The following LUC7L variants were observed in gnomAD, a reference collection of about 807,000 sequenced individuals.
The protein encoded by LUC7L is LUC7 like.
A neutral mutation model predicts 51.1 loss-of-function variants in LUC7L; 29 were observed. The ratio of observed to expected loss-of-function variants is 0.57; its 90% CI spans 0.42 to 0.77. The LOEUF is 0.77. Among genes scored for constraint, LUC7L ranks in the 30% least tolerant of loss-of-function variants. The pLI, the probability that LUC7L is intolerant of heterozygous loss-of-function variation, is 0.00. For missense variants in LUC7L, 403 were observed against 511.9 expected, an observed-to-expected ratio of 0.79 and a Z score of 2.05; for synonymous variants, 181 against 180.7, an observed-to-expected ratio of 1.00 and a Z score of -0.01.
chr16:214,123 A>G (rs2049721888), intron 3 of LUC7L, among the ~76,000 whole-genome samples: 1 of 151,724 alleles, frequency 6.6e-6, no homozygotes. Flanking sequence ...GCTAGAGTGC[A>G]ATGGCACGAT....
chr16:227,555 T>C (rs2050161955), intron 1 of LUC7L: 1 of 1,376,706 alleles, frequency 7.3e-7, no homozygotes, highest in African/African-American at 1.5e-5. Context: ...TAATGAGATC[T>C]GACTCCATCA....
At chr16:192,728 C>T (rs937105840) in intron 7 of LUC7L, among the ~76,000 whole-genome samples, 199 bp downstream of exon 7, 1 of 152,122 alleles carries the variant, frequency 6.6e-6, no homozygotes, top group Non-Finnish European at 1.5e-5. Flanking sequence ...GTCTCGAACC[C>T]CTGACCTCAA....
intron 8 of LUC7L, 49 bp downstream of exon 8, chr16:190,492 C>T (rs1386985509): frequency 4.4e-6 from 7 of 1,584,034 alleles, no homozygotes; most frequent in Non-Finnish European, 6.1e-6. Context: ...AAGAAAAATG[C>T]TTATGGAAAA....
intron 1 of LUC7L, 127 bp from the exon 2 acceptor site, chr16:227,463 T>C (rs899758294): frequency 1.1e-5 from 16 of 1,471,842 alleles, no homozygotes; most frequent in East Asian, 2.5e-5. Context: ...TCAAATGCAA[T>C]GAAAAGCTGA....
intron 2 of LUC7L, among the ~76,000 whole-genome samples, chr16:225,486 CT>C (rs1172177139): frequency 0.026 from 2,611 of 99,420 alleles, 38 homozygotes; most frequent in Non-Finnish European, 0.039. Flanking sequence ...AACTCCGTCT[CT>C]TTTTTTTTTT....
chr16:211,120 T>C (rs1368359288), intron 3 of LUC7L, among the ~76,000 whole-genome samples: 3 of 147,616 alleles, frequency 2.0e-5, no homozygotes, highest in East Asian at 4.0e-4. Context: ...CCCAACACTT[T>C]GGGAGTCTGA....
intron 3 of LUC7L, chr16:208,399 G>T: frequency 2.1e-6 from 1 of 465,344 alleles, no homozygotes; most frequent in South Asian, 3.1e-5. Context: ...TTGGAAGCAT[G>T]GTCTTCTCAT....
At chr16:195,047 G>GTAT (rs1555452215) in intron 6 of LUC7L, among the ~76,000 whole-genome samples, 2 of 152,142 alleles carry the variant, frequency 1.3e-5, no homozygotes, top group African/African-American at 2.4e-5. Flanking sequence ...TGGGTGACTG[G>GTAT]TATCTCCAGC....
intron 3 of LUC7L, among the ~76,000 whole-genome samples, chr16:210,174 C>G (rs1034633406): frequency 2.0e-5 from 3 of 152,152 alleles, no homozygotes; most frequent in African/African-American, 7.2e-5. Flanking sequence ...GTAATCCCAG[C>G]TACTTCGGAG....
At chr16:201,339 C>T (rs985589968) in intron 5 of LUC7L, among the ~76,000 whole-genome samples, 2 of 151,130 alleles carry the variant, frequency 1.3e-5, no homozygotes, top group African/African-American at 4.9e-5. Context: ...GTTTTGAAAC[C>T]TTAAATGCCA....
intron 3 of LUC7L, among the ~76,000 whole-genome samples, chr16:213,362 G>T (rs2049698788): frequency 6.6e-6 from 1 of 151,944 alleles, no homozygotes; most frequent in Admixed American, 6.6e-5. Context: ...CAAGCTTAAG[G>T]TGATGGTCCA....
intron 6 of LUC7L, among the ~76,000 whole-genome samples, chr16:193,806 CTTT>C (rs35000773): frequency 1.4e-5 from 2 of 139,708 alleles, no homozygotes; most frequent in African/African-American, 2.7e-5. Flanking sequence ...TTTACATTTA[CTTT>C]TTTTTTTTTT....
intron 1 of LUC7L, chr16:227,584 G>T (rs2050162681): frequency 1.5e-6 from 2 of 1,312,066 alleles, no homozygotes; most frequent in African/African-American, 3.0e-5. Context: ...AAGAAGTCAA[G>T]GAGTCAGACG....
At chr16:214,061 T>C (rs76386865) in intron 3 of LUC7L, among the ~76,000 whole-genome samples, 1 of 151,732 alleles carries the variant, frequency 6.6e-6, no homozygotes, top group African/African-American at 2.4e-5. Context: ...TGTTTTGTGT[T>C]CTCATGAGCA....
rs1011227295 is a variant in LUC7L at position 189,056 on chromosome 16, T to G, written c.*142A>C. ...ACCCGGGAACACAGGAGCAACTCTG[T>G]ACACTTCTAGAAACTCACAGCTAGC... is the stretch of plus-strand genomic sequence containing the variant. On this transcript the variant is annotated 3_prime_UTR_variant, in exon 10 of 10. Coordinates refer to ENST00000293872, the MANE Select transcript of LUC7L (RefSeq NM_201412.3). 2.3e-5 allele frequency: 22 copies of G among 941,798 alleles called. No homozygotes were observed. The Middle Eastern group carries it at 7.0e-4, about 30-fold the overall frequency. 58.3% of individuals were successfully genotyped at this position (941,798 alleles called of 1,614,324 possible). A position where few individuals can be genotyped will look rare whatever the true frequency, so the allele number is the denominator to read the frequency against.
chr16:229,404 GTCGACAAACGATGGTCGCGTCGGCC>G lies in LUC7L; in HGVS notation c.-90_-66del. 7.3e-7 allele frequency: 1 copy of G among 1,371,548 alleles called. No homozygotes were observed. The highest frequency in any genetic ancestry group is 9.6e-7 in the Non-Finnish European group (1 of 1,039,402). The allele number at this position is 1,371,548 out of a possible 1,614,324, so 85.0% of individuals were successfully genotyped here. A position where few individuals can be genotyped will look rare whatever the true frequency, so the allele number is the denominator to read the frequency against. On this transcript the variant is annotated 5_prime_UTR_variant, in exon 1 of 10. Coordinates refer to ENST00000293872, the MANE Select transcript of LUC7L (RefSeq NM_201412.3). ...CTCTCAGGCAGGCGGTGGCAGCGGC[GTCGACAAACGATGGTCGCGTCGGCC>G]TCGAGCCCACTCGGCTCTTTCCCGC...
At chr16:218,875 G>C (rs1481868800) in intron 3 of LUC7L, among the ~76,000 whole-genome samples, 4 of 133,670 alleles carry the variant, frequency 3.0e-5, no homozygotes, top group Non-Finnish European at 6.2e-5. Context: ...AGGATCACTT[G>C]AGGGCAGAAG....
intron 2 of LUC7L, among the ~76,000 whole-genome samples, chr16:223,654 A>C (rs2050039474): frequency 6.6e-6 from 1 of 150,820 alleles, no homozygotes; most frequent in Non-Finnish European, 1.5e-5. Context: ...GACAACTTTT[A>C]CCTCATTCAC....
intron 3 of LUC7L, 130 bp downstream of exon 3, chr16:220,519 G>A: frequency 1.4e-6 from 1 of 707,284 alleles, no homozygotes; most frequent in Non-Finnish European, 2.5e-6. Flanking sequence ...CTAGCTCTGA[G>A]CTTGAGTGGC....
Sources: allele counts gnomAD v4.1 joint callset (sites outside exome capture counted in the v4.1 genomes callset), GRCh38; gene constraint gnomAD v4.1.1; transcripts MANE v1.5; gene names NCBI Gene and HGNC (gene_info 2026-07-23, HGNC 2026-07-21).